The following AK8 variants were observed in gnomAD, a reference collection of about 807,000 sequenced individuals.
AK8 encodes the protein ATP-AMP transphosphorylase 8.
Under a neutral mutation model 54.6 loss-of-function variants are expected in AK8, and 44 were observed. The observed-to-expected ratio is 0.81, with a 90% CI of 0.63 to 1.04. AK8 has a LOEUF of 1.04. AK8 is among the 50% of genes least tolerant of loss of function. The pLI, the probability that AK8 is intolerant of heterozygous loss-of-function variation, is 0.00. For missense variants in AK8, 555 were observed against 613.6 expected (o/e 0.90, Z 1.01); for synonymous variants, 239 against 245.6 (o/e 0.97, Z 0.25).
At chr9:132,851,576 C>T (rs568856243) in intron 5 of AK8, among the ~76,000 whole-genome samples, 2 of 152,352 alleles carry the variant, frequency 1.3e-5, no homozygotes, top group South Asian at 4.1e-4. Flanking sequence ...GTGGGCCTGA[C>T]CCTAAACGGC....
intron 3 of AK8, among the ~76,000 whole-genome samples, chr9:132,864,152 C>T (rs1319305970): frequency 6.6e-6 from 1 of 152,100 alleles, no homozygotes; most frequent in South Asian, 2.1e-4. Context: ...AGCCCACACT[C>T]AGTGTTCTTT....
chr9:132,854,756 T>G (rs1843110209), intron 5 of AK8, 101 bp downstream of exon 5: 2 of 1,324,370 alleles, frequency 1.5e-6, no homozygotes, highest in African/African-American at 2.9e-5. Context: ...TGCCTTACCT[T>G]CTCTTATGCC....
At position 132,725,840 on chromosome 9, in the gene AK8, TG is replaced by T; in HGVS notation, c.1287del (p.Lys430SerfsTer2). 1.2e-6 allele frequency: 2 copies of T among 1,608,918 alleles called. No homozygotes were observed. The highest frequency in any genetic ancestry group is 1.7e-6 in the Non-Finnish European group (2 of 1,178,178). ...LQNPKDAEEQVKLKMDLFYRN... is the reference protein window; with the variant it reads ...LQNPKDAEEQXKLKMDLFYRN... ...CTGTAGAACAGGTCCATTTTCAGCTTGACCTGCTCTTCAGCATCCTTTGGGT... is the reference window on the plus strand; with the variant it reads ...CTGTAGAACAGGTCCATTTTCAGCTTACCTGCTCTTCAGCATCCTTTGGGT... On this transcript the variant is annotated frameshift_variant, in exon 13 of 13. Transcript: ENST00000298545. LOFTEE classifies it high-confidence loss of function.
At chr9:132,819,823 A>G (rs1349756391) in intron 9 of AK8, among the ~76,000 whole-genome samples, 1 of 152,228 alleles carries the variant, frequency 6.6e-6, no homozygotes, top group Non-Finnish European at 1.5e-5. Flanking sequence ...GAATTAAATT[A>G]GAAATCAAGA....
rs910387013 is a variant in AK8, at chr9:132,800,514, G to T, written c.980-7739C>A. ...GCTCTTTGGTAAACTCAAGTCAATT[G>T]CCCCAGACAAACCCCCATCTGGCCG... On this transcript the variant is annotated intron_variant, in intron 10 of 12. Transcript: ENST00000298545. Among the ~76,000 whole-genome samples the T allele has an allele frequency of 7.9e-5, 12 of 152,248 alleles. 1 individual carries two copies. Among genetic ancestry groups the T allele is most frequent in the East Asian group, 1.9e-4 (1 of 5,186 alleles).
Position 132,808,754 on chromosome 9 carries a change from C to T in AK8, c.979+5884G>A, listed in dbSNP as rs181335553. On this transcript the variant is annotated intron_variant, in intron 10 of 12. Coordinates refer to ENST00000298545, the MANE Select transcript of AK8 (RefSeq NM_152572.3). Reference sequence around the variant, plus strand: ...AACAAAAGCGCACATCTCTGGGGCACGCAGCTCCAAGGTGAGTGGAGAGAA... The same window carrying T: ...AACAAAAGCGCACATCTCTGGGGCATGCAGCTCCAAGGTGAGTGGAGAGAA... Among the ~76,000 whole-genome samples the T allele has an allele frequency of 5.9e-5, 9 of 152,206 alleles. No individual in the cohort carries two copies. The East Asian group carries it at 7.7e-4, about 13-fold the overall frequency.
intron 11 of AK8, among the ~76,000 whole-genome samples, chr9:132,750,029 ATT>A: frequency 6.8e-6 from 1 of 147,670 alleles, no homozygotes. Context: ...GCACACTTAT[ATT>A]GAGTTTCTGC....
chr9:132,852,028 A>G (rs1842988452), intron 5 of AK8, among the ~76,000 whole-genome samples: 1 of 152,214 alleles, frequency 6.6e-6, no homozygotes, highest in African/African-American at 2.4e-5. Flanking sequence ...ACACAGAAAG[A>G]TACAGTCTCA....
chr9:132,863,949 C>A (rs185682134), intron 3 of AK8, among the ~76,000 whole-genome samples, 171 bp from the exon 4 acceptor site: 1 of 152,230 alleles, frequency 6.6e-6, no homozygotes, highest in African/African-American at 2.4e-5. Context: ...CCATAAAGCA[C>A]CTGCTGGCCT....
chr9:132,731,206 A>T (rs1025072600), intron 11 of AK8, among the ~76,000 whole-genome samples: 4 of 152,208 alleles, frequency 2.6e-5, no homozygotes, highest in Admixed American at 2.6e-4. Context: ...ATTCCGAGTG[A>T]TTTGTGTGTT....
At chr9:132,858,125 C>T (rs931694067) in intron 4 of AK8, among the ~76,000 whole-genome samples, 12 of 152,222 alleles carry the variant, frequency 7.9e-5, no homozygotes, top group East Asian at 3.9e-4. Context: ...TCGGTGGCAC[C>T]GCAGCACCCA....
At chr9:132,756,094 T>C (rs1838176726) in intron 11 of AK8, among the ~76,000 whole-genome samples, 1 of 152,212 alleles carries the variant, frequency 6.6e-6, no homozygotes, top group Non-Finnish European at 1.5e-5. Flanking sequence ...ATGAGGTGTA[T>C]TCCTCAGCTG....
chr9:132,840,502 C>CT (rs1842499871), intron 5 of AK8, among the ~76,000 whole-genome samples: 1 of 151,924 alleles, frequency 6.6e-6, no homozygotes, highest in Non-Finnish European at 1.5e-5. Flanking sequence ...GGAAATTTCA[C>CT]TGATTTTTTT....
At chr9:132,820,887 C>A (rs1001286732) in intron 9 of AK8, among the ~76,000 whole-genome samples, 9 of 152,144 alleles carry the variant, frequency 5.9e-5, no homozygotes, top group Admixed American at 4.6e-4. Context: ...AGGCTACCTG[C>A]CTTAGGTCTC....
intron 11 of AK8, among the ~76,000 whole-genome samples, chr9:132,751,778 G>C (rs1052670713): frequency 6.6e-6 from 1 of 151,952 alleles, no homozygotes; most frequent in Admixed American, 6.6e-5. Context: ...ATATTCCATA[G>C]AGGAAAGGGC....
At chr9:132,758,978 G>A (rs1490910063) in intron 11 of AK8, among the ~76,000 whole-genome samples, 2 of 151,850 alleles carry the variant, frequency 1.3e-5, no homozygotes, top group East Asian at 1.9e-4. Flanking sequence ...TGGGAGGATC[G>A]CTTGAGCCCC....
At chr9:132,872,201 T>C (rs1193869152) in intron 2 of AK8, among the ~76,000 whole-genome samples, 1 of 152,024 alleles carries the variant, frequency 6.6e-6, no homozygotes, top group Non-Finnish European at 1.5e-5. Context: ...CCAGGCGCAG[T>C]AGCATGCACC....
At chr9:132,740,168 A>G (rs1363386243) in intron 11 of AK8, among the ~76,000 whole-genome samples, 1 of 152,234 alleles carries the variant, frequency 6.6e-6, no homozygotes, top group Admixed American at 6.5e-5. Context: ...AGCACGGATT[A>G]CTGTTCCCAT....
intron 11 of AK8, among the ~76,000 whole-genome samples, chr9:132,785,586 C>A (rs1460470440): frequency 6.6e-6 from 1 of 152,028 alleles, no homozygotes; most frequent in Admixed American, 6.6e-5. Flanking sequence ...AAAACACATC[C>A]CATAAAGAAA....
Sources: gnomAD v4.1 joint callset for allele counts (sites outside exome capture counted in the v4.1 genomes callset) on GRCh38, gnomAD v4.1.1 for gene constraint, MANE v1.5 for transcripts, NCBI Gene and HGNC (gene_info 2026-07-23, HGNC 2026-07-21) for gene names.